The following VPS13B variants were observed in gnomAD, a reference collection of about 807,000 sequenced individuals.
The protein encoded by VPS13B is vacuolar protein sorting 13 homolog B.
Under a neutral mutation model 426.4 loss-of-function variants are expected in VPS13B, and 285 were observed. The ratio of observed to expected loss-of-function variants is 0.67; its 90% CI spans 0.61 to 0.74. The LOEUF is 0.74. Among genes scored for constraint, VPS13B ranks in the 30% least tolerant of loss-of-function variants. The pLI is 0.00. For missense variants in VPS13B, 4,537 were observed against 4,782.6 expected, an observed-to-expected ratio of 0.95 and a Z score of 1.51; for synonymous variants, 1,676 against 1,676.4, an observed-to-expected ratio of 1.00 and a Z score of 0.01.
At chr8:99,178,917 C>T (rs528531858) in intron 16 of VPS13B, among the ~76,000 whole-genome samples, 16 of 152,152 alleles carry the variant, frequency 1.1e-4, no homozygotes, top group South Asian at 6.2e-4. Flanking sequence ...CCACTGCGCC[C>T]GCCCTAGACA....
At chr8:99,526,102 TG>T (rs891932816) in intron 30 of VPS13B, among the ~76,000 whole-genome samples, 2 of 104,700 alleles carry the variant, frequency 1.9e-5, no homozygotes, top group Non-Finnish European at 3.8e-5. Context: ...CAGAAAGAAA[TG>T]GGGGGGTGGG....
At chr8:99,281,128 T>C (rs561131940) in intron 19 of VPS13B, among the ~76,000 whole-genome samples, 1 of 152,326 alleles carries the variant, frequency 6.6e-6, no homozygotes, top group African/African-American at 2.4e-5. Context: ...TCATAAGGAA[T>C]GTGCAAGCTA....
intron 17 of VPS13B, among the ~76,000 whole-genome samples, chr8:99,252,894 G>A (rs1056411533): frequency 1.3e-5 from 2 of 151,974 alleles, no homozygotes; most frequent in Non-Finnish European, 2.9e-5. Context: ...GGAGTTTTTA[G>A]CAAATTCATA....
intron 3 of VPS13B, among the ~76,000 whole-genome samples, chr8:99,093,011 T>C (rs1846225904): frequency 6.6e-6 from 1 of 152,090 alleles, no homozygotes; most frequent in Non-Finnish European, 1.5e-5. Context: ...GTATATTTTA[T>C]ATTGGTAAAA....
intron 5 of VPS13B, among the ~76,000 whole-genome samples, chr8:99,110,751 G>T (rs1399242914): frequency 6.6e-6 from 1 of 151,664 alleles, no homozygotes; most frequent in Non-Finnish European, 1.5e-5. Flanking sequence ...GGATTCTTAA[G>T]AATTTTATTG....
intron 5 of VPS13B, among the ~76,000 whole-genome samples, chr8:99,107,691 C>T (rs947813804): frequency 2.0e-5 from 3 of 151,980 alleles, no homozygotes; most frequent in Non-Finnish European, 4.4e-5. Context: ...TTCCTTGTTA[C>T]GTGTTTGAAT....
intron 19 of VPS13B, among the ~76,000 whole-genome samples, chr8:99,361,643 C>T (rs921779197): frequency 2.0e-5 from 3 of 152,168 alleles, no homozygotes; most frequent in Admixed American, 6.5e-5. Flanking sequence ...ACAGGACACA[C>T]TGAGTCTTTT....
chr8:99,727,544 A>G (rs1259388916), intron 39 of VPS13B, among the ~76,000 whole-genome samples: 1 of 152,202 alleles, frequency 6.6e-6, no homozygotes, highest in Non-Finnish European at 1.5e-5. Context: ...TCTTACATGG[A>G]TGGCAGCAGG....
At chr8:99,178,162 T>A (rs570029927) in intron 16 of VPS13B, among the ~76,000 whole-genome samples, 2 of 152,052 alleles carry the variant, frequency 1.3e-5, no homozygotes, top group East Asian at 3.9e-4. Flanking sequence ...TTATTTTATT[T>A]TTTTTTTATT....
chr8:99,184,811 C>G (rs766849761), intron 16 of VPS13B, among the ~76,000 whole-genome samples: 1 of 151,844 alleles, frequency 6.6e-6, no homozygotes, highest in Non-Finnish European at 1.5e-5. Flanking sequence ...GCCAACATGG[C>G]GAAACCCCGT....
chr8:99,186,985 TGA>T (rs1190674930), intron 16 of VPS13B, among the ~76,000 whole-genome samples: 1 of 152,184 alleles, frequency 6.6e-6, no homozygotes, highest in Non-Finnish European at 1.5e-5. Flanking sequence ...GAATTTATTA[TGA>T]AATAGTAAAG....
At chr8:99,349,650 A>G (rs1811761918) in intron 19 of VPS13B, among the ~76,000 whole-genome samples, 1 of 152,186 alleles carries the variant, frequency 6.6e-6, no homozygotes, top group Admixed American at 6.5e-5. Flanking sequence ...TAAATCTGGC[A>G]ACCCTAATTA....
At chr8:99,605,230 C>G (rs1027012157) in intron 33 of VPS13B, among the ~76,000 whole-genome samples, 3 of 152,170 alleles carry the variant, frequency 2.0e-5, no homozygotes. Flanking sequence ...TATTTGTTGA[C>G]TTGAGATGAG....
At chr8:99,800,206 G>T (rs1415662917) in intron 43 of VPS13B, among the ~76,000 whole-genome samples, 1 of 152,100 alleles carries the variant, frequency 6.6e-6, no homozygotes, top group Non-Finnish European at 1.5e-5. Flanking sequence ...CTCCTCTTCT[G>T]TATGTACATA....
chr8:99,398,797 A>G (rs553670754), intron 21 of VPS13B, among the ~76,000 whole-genome samples: 63 of 149,098 alleles, frequency 4.2e-4, no homozygotes, highest in African/African-American at 1.6e-3. Flanking sequence ...ACAAACAAGT[A>G]TTTAGGTGGG....
chr8:99,253,148 G>A (rs1817585052), intron 17 of VPS13B, among the ~76,000 whole-genome samples: 1 of 151,974 alleles, frequency 6.6e-6, no homozygotes, highest in African/African-American at 2.4e-5. Flanking sequence ...GTTTATTCTT[G>A]TTGTAGTATG....
At chr8:99,198,932 C>T (rs1167950088) in intron 17 of VPS13B, among the ~76,000 whole-genome samples, 1 of 151,460 alleles carries the variant, frequency 6.6e-6, no homozygotes, top group East Asian at 2.0e-4. Flanking sequence ...ATCTAAAGAT[C>T]CACGAAATGT....
chr8:99,615,479 A>G (rs1828047292), intron 33 of VPS13B, among the ~76,000 whole-genome samples: 1 of 152,214 alleles, frequency 6.6e-6, no homozygotes. Context: ...TAAGCTTGGC[A>G]TTTAGTAGAC....
rs905882677 is a variant in VPS13B at position 99,832,513 on chromosome 8, A to G, written c.9475A>G (p.Ile3159Val). 3 of 1,613,732 alleles carry G rather than the reference A, an allele frequency of 1.9e-6. No individual in the cohort carries two copies. The highest frequency in any genetic ancestry group is 2.7e-5 in the African/African-American group (2 of 74,834). The change falls in exon 52 of 62, where the codon ATC becomes GTC. Residue 3159 changes from isoleucine to valine, a missense_variant. By Grantham distance (29) the Ile-to-Val change is conservative. Coordinates refer to ENST00000357162, the MANE Select transcript of VPS13B (RefSeq NM_152564.5). ...VLDASLLQKQ[I>V]MLGFSPAPGA... is the part of the protein sequence containing the mutation. The stretch of plus-strand genomic sequence containing the variant: ...GGATGCATCCCTGCTTCAGAAACAG[A>G]TCATGCTGGGCTTTTCTCCTGCCCC...
Sources: gnomAD v4.1 joint callset for allele counts (sites outside exome capture counted in the v4.1 genomes callset) on GRCh38, gnomAD v4.1.1 for gene constraint, MANE v1.5 for transcripts, NCBI Gene and HGNC (gene_info 2026-07-23, HGNC 2026-07-21) for gene names.